Variants in KNOP1 observed in about 807,000 individuals in gnomAD.
The protein encoded by KNOP1 is lysine rich nucleolar protein 1.
KNOP1 carries 20 observed loss-of-function variants against 30.6 expected under a neutral mutation model. That is an observed-to-expected ratio of 0.65 (90% CI 0.46 to 0.95). KNOP1 has a LOEUF of 0.95. KNOP1 is among the 40% of genes least tolerant of loss of function. The probability of loss-of-function intolerance (pLI) is 0.00; values close to 1 mark genes in which losing one functional copy is unlikely to be tolerated. For missense variants in KNOP1, 540 were observed against 562.0 expected, an observed-to-expected ratio of 0.96 and a Z score of 0.40; for synonymous variants, 204 against 210.0, an observed-to-expected ratio of 0.97 and a Z score of 0.25.
chr16:19,711,294 C>T (rs1976705642), intron 3 of KNOP1, 78 bp downstream of exon 3: 11 of 1,461,898 alleles, frequency 7.5e-6, no homozygotes, highest in South Asian at 1.1e-5. Context: ...ATCACCTAGC[C>T]AGCCTGGCAG....
At chr16:19,710,622 C>CA in intron 3 of KNOP1, 36 bp from the exon 4 acceptor site, 3 of 1,561,332 alleles carry the variant, frequency 1.9e-6, no homozygotes, top group Non-Finnish European at 2.6e-6. Flanking sequence ...GGCCGTCAGA[C>CA]AGAGATCTTC....
Position 19,711,432 on chromosome 16 carries a change from GTC to G in KNOP1, c.925_926del (p.Asp309HisfsTer15). 1 of 1,614,158 alleles carries G rather than the reference GTC, an allele frequency of 6.2e-7. No homozygotes were observed. Among genetic ancestry groups the G allele is most frequent in the Non-Finnish European group, 8.5e-7 (1 of 1,180,028 alleles). On this transcript the variant is annotated frameshift_variant, in exon 3 of 5. Coordinates refer to ENST00000219837, the MANE Select transcript of KNOP1 (RefSeq NM_001012991.3). LOFTEE classifies it high-confidence loss of function. ...TTTCCAACACCACCTCTAAGTCCGT[GTC>G]TGTTTCCTGCAGGAGAGGGCAGAGC... ...VAGDPWKEET[D>X]TDLEVVLEKK...
At chr16:19,708,657 G>A (rs564690315) in intron 4 of KNOP1, among the ~76,000 whole-genome samples, 14 of 152,134 alleles carry the variant, frequency 9.2e-5, no homozygotes, top group Non-Finnish European at 2.1e-4. Context: ...ACAAGCCAGA[G>A]GCCAGCCCAG....
intron 1 of KNOP1, chr16:19,717,297 G>C (rs1441622135): frequency 4.1e-6 from 4 of 984,846 alleles, no homozygotes; most frequent in Non-Finnish European, 4.8e-6. Flanking sequence ...TATTGTATTG[G>C]CATTTAAATA....
At chr16:19,709,199 G>A (rs1471424768) in intron 4 of KNOP1, among the ~76,000 whole-genome samples, 1 of 152,132 alleles carries the variant, frequency 6.6e-6, no homozygotes, top group Non-Finnish European at 1.5e-5. Flanking sequence ...CAGGCTCAGG[G>A]GAAGGTACCT....
intron 1 of KNOP1, among the ~76,000 whole-genome samples, chr16:19,717,197 G>C (rs1392148558): frequency 6.6e-6 from 1 of 152,186 alleles, no homozygotes; most frequent in Admixed American, 6.5e-5. Context: ...AGAAAAAACA[G>C]TTATATTTAG....
intron 2 of KNOP1, among the ~76,000 whole-genome samples, chr16:19,712,533 G>A (rs952867649): frequency 5.9e-5 from 9 of 152,206 alleles, no homozygotes; most frequent in African/African-American, 2.2e-4. Flanking sequence ...CAGACTAGCT[G>A]AGTTTGAATC....
chr16:19,710,720 G>C, intron 3 of KNOP1, 134 bp from the exon 4 acceptor site: 1 of 704,700 alleles, frequency 1.4e-6, no homozygotes, highest in Non-Finnish European at 2.5e-6. Context: ...TACAAACAAT[G>C]GGAAGCTGCT....
intron 1 of KNOP1, among the ~76,000 whole-genome samples, chr16:19,716,129 C>T (rs1977052320): frequency 6.6e-6 from 1 of 152,146 alleles, no homozygotes; most frequent in Non-Finnish European, 1.5e-5. Context: ...TCCAGGCGCA[C>T]CTGGAGAGTC....
intron 1 of KNOP1, 149 bp from the exon 2 acceptor site, chr16:19,715,186 A>G (rs1976964606): frequency 1.8e-6 from 1 of 553,878 alleles, no homozygotes; most frequent in African/African-American, 1.9e-5. Context: ...AAGCAAAAAA[A>G]GAAATACTAC....
intron 1 of KNOP1, 160 bp downstream of exon 1, chr16:19,717,998 G>C (rs932090380): frequency 1.9e-4 from 255 of 1,320,150 alleles, no homozygotes; most frequent in Non-Finnish European, 2.3e-4. Flanking sequence ...AAACTTTCTG[G>C]AGGCGGCGGC....
Position 19,703,377 on chromosome 16 carries a change from G to C in KNOP1, c.*3533C>G, listed in dbSNP as rs770064057. 2 of 152,034 alleles carry C rather than the reference G, an allele frequency of 1.3e-5. No individual in the cohort carries two copies. The highest frequency in any genetic ancestry group is 1.5e-5 in the Non-Finnish European group (1 of 68,012). The allele number at this position is 152,034 out of a possible 1,614,324, so 9.4% of individuals were successfully genotyped here. On this transcript the variant is annotated 3_prime_UTR_variant, in exon 5 of 5. Coordinates refer to ENST00000219837, the MANE Select transcript of KNOP1 (RefSeq NM_001012991.3). ...TTTGCCTTCCTCTTCCACATTTAGG[G>C]ATCTTTGTGATTCCTCCGGCCCACC... is the stretch of plus-strand genomic sequence containing the variant.
rs1442795988 is a variant in KNOP1 at position 19,702,352 on chromosome 16, G to A, written c.*4558C>T. ...TGATGCTATAAAATGAAAAACAATT[G>A]GCAAATTCACAAATTATGTTCTTCA... On this transcript the variant is annotated 3_prime_UTR_variant, in exon 5 of 5. Coordinates refer to ENST00000219837, the MANE Select transcript of KNOP1 (RefSeq NM_001012991.3). 1 of 152,156 alleles carries A rather than the reference G, an allele frequency of 6.6e-6. No homozygotes were observed. The highest frequency in any genetic ancestry group is 2.4e-5 in the African/African-American group (1 of 41,448). The allele number at this position is 152,156 out of a possible 1,614,324, so 9.4% of individuals were successfully genotyped here. A position where few individuals can be genotyped will look rare whatever the true frequency, so the allele number is the denominator to read the frequency against.
At chr16:19,718,036 T>C (rs565211109) in intron 1 of KNOP1, 122 bp downstream of exon 1, 1 of 1,390,366 alleles carries the variant, frequency 7.2e-7, no homozygotes, top group African/African-American at 1.5e-5. Context: ...GCACACCGAC[T>C]GGAGGGGTCG....
Position 19,707,108 on chromosome 16 carries a change from G to C in KNOP1, c.1179C>G (p.Pro393=), listed in dbSNP as rs751309837. The C allele has an allele frequency of 1.2e-6, 2 of 1,614,084 alleles. No homozygotes were observed. ...FKNLSPSFSR[P]ASTIARPNMA... ...TGTTGGGCCTTGCAATCGTGCTGGC[G>C]GGGCGGCTGAACGAAGGGGACAGGT... Residue 393 remains proline (P), a synonymous_variant, in exon 5 of 5, where the codon CCC becomes CCG. Coordinates refer to ENST00000219837, the MANE Select transcript of KNOP1 (RefSeq NM_001012991.3).
chr16:19,711,600 C>T (rs1784269493), intron 2 of KNOP1, among the ~76,000 whole-genome samples, 160 bp from the exon 3 acceptor site: 1 of 152,152 alleles, frequency 6.6e-6, no homozygotes. Context: ...TCAGCAAAGC[C>T]CTTCCCATCC....
chr16:19,714,521 C>A lies in KNOP1; in HGVS notation c.515G>T (p.Cys172Phe), dbSNP rs751808453. ...AACATCCCTGGCCTCCCTGGCCTCA[C>A]AGAACCAAGGGTCCTGGACCGAGAA... ...TAFSVQDPWF[C>F]EAREARDVGD... The change falls in exon 2 of 5, where the codon TGT becomes TTT. Residue 172 changes from cysteine (C) to phenylalanine (F), a missense_variant. Coordinates refer to ENST00000219837, the MANE Select transcript of KNOP1 (RefSeq NM_001012991.3). The A allele has an allele frequency of 1.2e-6, 2 of 1,614,012 alleles. No individual in the cohort carries two copies. The highest frequency in any genetic ancestry group is 1.7e-6 in the Non-Finnish European group (2 of 1,180,004).
At chr16:19,712,354 GAGCAATGGGTGGTC>G (rs1354142991) in intron 2 of KNOP1, among the ~76,000 whole-genome samples, 6 of 152,160 alleles carry the variant, frequency 3.9e-5, no homozygotes, top group African/African-American at 1.4e-4. Context: ...CCCTCTAACC[GAGCAATGGGTGGTC>G]CAAGGTCACC....
In KNOP1 at chr16:19,706,716, T is replaced by G; in HGVS notation, c.*194A>C. On this transcript the variant is annotated 3_prime_UTR_variant, in exon 5 of 5. Coordinates refer to ENST00000219837, the MANE Select transcript of KNOP1 (RefSeq NM_001012991.3). ...TGAGCCAACTGTCAGATGGCTTTCA[T>G]TTGCACAACTGAATAAACCATTTAT... is the stretch of plus-strand genomic sequence containing the variant. 1 of 639,490 alleles carries G rather than the reference T, an allele frequency of 1.6e-6. No homozygotes were observed. The highest frequency in any genetic ancestry group is 2.7e-6 in the Non-Finnish European group (1 of 370,112). The allele number at this position is 639,490 out of a possible 1,614,324, so 39.6% of individuals were successfully genotyped here.
Sources: gnomAD v4.1 joint callset for allele counts (sites outside exome capture counted in the v4.1 genomes callset) on GRCh38, gnomAD v4.1.1 for gene constraint, MANE v1.5 for transcripts, NCBI Gene and HGNC (gene_info 2026-07-23, HGNC 2026-07-21) for gene names.